NXN: variants seen among roughly 807,000 people sequenced by gnomAD.
The protein encoded by NXN is nucleoredoxin 1.
In NXN, 16 loss-of-function variants were observed where a neutral mutation model predicts 48.6. The ratio of observed to expected loss-of-function variants is 0.33; its 90% CI spans 0.22 to 0.50. The LOEUF is 0.50. Among genes scored for constraint, NXN ranks in the 20% least tolerant of loss-of-function variants. The pLI, the probability that NXN is intolerant of heterozygous loss-of-function variation, is 0.98. For synonymous variants in NXN, 281 were observed against 269.6 expected, an observed-to-expected ratio of 1.04 and a Z score of -0.41; for missense variants, 492 against 605.5, an observed-to-expected ratio of 0.81 and a Z score of 1.97.
rs2068723148 is a variant in NXN at position 919,449 on chromosome 17, C to T, written c.360+59870G>A. ...CTCTGTCAATGCAGGGCAATCATTC[C>T]TTAAGATGCTAGAAAACGTGTTATT... On this transcript the variant is annotated intron_variant, in intron 1 of 7. Coordinates refer to ENST00000336868, the MANE Select transcript of NXN (RefSeq NM_022463.5). The surrounding 1 kb of genome is among the most constrained non-coding windows in gnomAD (Gnocchi z 5.1). Among the ~76,000 whole-genome samples, 1 of 152,154 alleles carries T rather than the reference C, an allele frequency of 6.6e-6. No individual in the cohort carries two copies. Among genetic ancestry groups the T allele is most frequent in the African/African-American group, 2.4e-5 (1 of 41,434 alleles).
intron 1 of NXN, among the ~76,000 whole-genome samples, chr17:957,869 C>A (rs2069189365): frequency 6.6e-6 from 1 of 152,152 alleles, no homozygotes; most frequent in Non-Finnish European, 1.5e-5. Flanking sequence ...CCGCAGTCAG[C>A]TTCTCAGTCT....
At chr17:901,290 G>C (rs1418490215) in intron 1 of NXN, among the ~76,000 whole-genome samples, 1 of 152,152 alleles carries the variant, frequency 6.6e-6, no homozygotes, top group Non-Finnish European at 1.5e-5. Flanking sequence ...GCAACATGCA[G>C]GGATCTGTGG....
chr17:830,988 G>A lies in NXN; in HGVS notation c.361-4910C>T, dbSNP rs1239962147. 7.7e-6 allele frequency among the ~76,000 whole-genome samples: 1 copy of A among 129,192 alleles called. No individual in the cohort carries two copies. The highest frequency in any genetic ancestry group is 1.6e-5 in the Non-Finnish European group (1 of 63,146). The allele number at this position is 129,192 out of a possible 152,430, so 84.8% of individuals were successfully genotyped here. ...GCACTCCAGCCTGGGCAACAAGAGCGAAACTCCGTCTCAAAAAAAAAAAAA... is the reference window on the plus strand; with the variant it reads ...GCACTCCAGCCTGGGCAACAAGAGCAAAACTCCGTCTCAAAAAAAAAAAAA... On this transcript the variant is annotated intron_variant, in intron 1 of 7. Coordinates refer to ENST00000336868, the MANE Select transcript of NXN (RefSeq NM_022463.5). This position sits in a 1 kb window ranked among gnomAD's most constrained non-coding sequence, Gnocchi z 4.2.
chr17:911,687 T>C (rs1260197505), intron 1 of NXN, among the ~76,000 whole-genome samples: 1 of 151,502 alleles, frequency 6.6e-6, no homozygotes, highest in Admixed American at 6.6e-5. Context: ...AGGATGGTCT[T>C]GATCTCCTGA....
chr17:963,002 T>C (rs1340740435), intron 1 of NXN, among the ~76,000 whole-genome samples: 3 of 151,796 alleles, frequency 2.0e-5, no homozygotes, highest in African/African-American at 4.8e-5. Context: ...AGAGCGGTGG[T>C]TTGAGGGATT....
chr17:951,170 CTACTT>C (rs2069104991), intron 1 of NXN, among the ~76,000 whole-genome samples: 1 of 66,960 alleles, frequency 1.5e-5, no homozygotes. Flanking sequence ...AACCCTGTCT[CTACTT>C]AAAAAAAAAA....
chr17:834,675 A>G (rs1297507234), intron 1 of NXN, among the ~76,000 whole-genome samples: 2 of 151,016 alleles, frequency 1.3e-5, no homozygotes, highest in Non-Finnish European at 3.0e-5. Flanking sequence ...GCCCACCACC[A>G]CGCCCGACCT....
intron 5 of NXN, among the ~76,000 whole-genome samples, chr17:817,302 A>G (rs1026762937): frequency 2.0e-5 from 3 of 152,186 alleles, no homozygotes; most frequent in African/African-American, 7.2e-5. Context: ...CTAAAATTAA[A>G]TATTATTTTT....
chr17:925,943 A>G (rs1432146017), intron 1 of NXN, among the ~76,000 whole-genome samples: 1 of 152,208 alleles, frequency 6.6e-6, no homozygotes, highest in Non-Finnish European at 1.5e-5. Flanking sequence ...TTCTTTAGAT[A>G]ATCTTTGCTT....
At chr17:827,563 C>T (rs1028075555) in intron 1 of NXN, among the ~76,000 whole-genome samples, 4 of 152,178 alleles carry the variant, frequency 2.6e-5, no homozygotes, top group African/African-American at 9.6e-5. Context: ...GCGGGGCTTG[C>T]GGTGAGCCAG....
intron 5 of NXN, among the ~76,000 whole-genome samples, chr17:817,733 T>G (rs1912562309): frequency 6.7e-6 from 1 of 150,118 alleles, no homozygotes; most frequent in Admixed American, 6.6e-5. Flanking sequence ...TCTGGGTAAA[T>G]CTGGATTTGT....
Position 841,558 on chromosome 17 carries a change from TC to T in NXN, c.361-15481del, listed in dbSNP as rs1264539698. Reference sequence around the variant, plus strand: ...GGAGCATCTCACGCCGGCGAGCAGGTCCCCCCTGACCACGGAGCATCTCACG... The same window carrying T: ...GGAGCATCTCACGCCGGCGAGCAGGTCCCCCTGACCACGGAGCATCTCACG... On this transcript the variant is annotated intron_variant, in intron 1 of 7. Coordinates refer to ENST00000336868, the MANE Select transcript of NXN (RefSeq NM_022463.5). Among the ~76,000 whole-genome samples the T allele has an allele frequency of 6.1e-5, 6 of 97,868 alleles. 1 individual carries two copies. Among genetic ancestry groups the T allele is most frequent in the South Asian group, 7.1e-4 (2 of 2,832 alleles). 64.2% of individuals were successfully genotyped at this position (97,868 alleles called of 152,430 possible). A position where few individuals can be genotyped will look rare whatever the true frequency, so the allele number is the denominator to read the frequency against.
chr17:882,456 T>TATTG (rs2068294651), intron 1 of NXN, among the ~76,000 whole-genome samples: 2 of 66,768 alleles, frequency 3.0e-5, no homozygotes, highest in Admixed American at 1.8e-4. Context: ...CAGGGGTTTC[T>TATTG]TTTGTTTGTT....
intron 1 of NXN, among the ~76,000 whole-genome samples, chr17:839,640 C>T (rs921136066): frequency 1.3e-5 from 2 of 149,950 alleles, no homozygotes; most frequent in African/African-American, 4.9e-5. Flanking sequence ...GAAATCTCAT[C>T]TCTAAAAAAA....
intron 1 of NXN, among the ~76,000 whole-genome samples, chr17:926,490 C>A (rs2144963389): frequency 6.6e-6 from 1 of 151,410 alleles, no homozygotes; most frequent in East Asian, 2.0e-4. Context: ...CGGCTCTCCT[C>A]CCCTCTCTTT....
Position 926,321 on chromosome 17 carries a change from G to A in NXN, c.360+52998C>T, listed in dbSNP as rs544736182. ...CCCACTCCAGCCCTCCAAGTAGCTAGGACTACAGGCATGCACCACTACACC... is the reference window on the plus strand; with the variant it reads ...CCCACTCCAGCCCTCCAAGTAGCTAAGACTACAGGCATGCACCACTACACC... On this transcript the variant is annotated intron_variant, in intron 1 of 7. Coordinates refer to ENST00000336868, the MANE Select transcript of NXN (RefSeq NM_022463.5). 3.9e-5 allele frequency among the ~76,000 whole-genome samples: 6 copies of A among 152,074 alleles called. No individual in the cohort carries two copies. In the South Asian group the frequency reaches 1.2e-3, roughly 32 times the overall value.
intron 1 of NXN, among the ~76,000 whole-genome samples, chr17:840,328 G>A (rs1210696652): frequency 1.3e-5 from 2 of 151,744 alleles, no homozygotes; most frequent in Non-Finnish European, 2.9e-5. Flanking sequence ...CTCTCAGCCT[G>A]GTGTGCAGAG....
At chr17:951,753 C>A (rs1219157411) in intron 1 of NXN, among the ~76,000 whole-genome samples, 1 of 152,144 alleles carries the variant, frequency 6.6e-6, no homozygotes, top group Non-Finnish European at 1.5e-5. Flanking sequence ...GCAGGGCCAG[C>A]CCCAGAGGGG....
chr17:806,973 C>T (rs978942570), intron 5 of NXN, among the ~76,000 whole-genome samples: 18 of 152,120 alleles, frequency 1.2e-4, no homozygotes, highest in Non-Finnish European at 2.2e-4. Context: ...CACATGCGGC[C>T]GGCTCTCACT....
Sources: gnomAD v4.1 joint callset for allele counts (sites outside exome capture counted in the v4.1 genomes callset) on GRCh38, gnomAD v4.1.1 for gene constraint, Gnocchi (gnomAD v3.1) non-coding constraint, MANE v1.5 for transcripts, NCBI Gene and HGNC (gene_info 2026-07-23, HGNC 2026-07-21) for gene names.